KANK1: variants seen among roughly 807,000 people sequenced by gnomAD.
The protein encoded by KANK1 is KN motif and ankyrin repeat domain-containing protein 1.
Under a neutral mutation model 106.2 loss-of-function variants are expected in KANK1, and 109 were observed. The observed-to-expected ratio is 1.03, with a 90% confidence interval of 0.88 to 1.20. The LOEUF (loss-of-function observed/expected upper bound fraction) is 1.20. KANK1 is among the 50% of genes most tolerant of loss of function. The pLI, the probability that KANK1 is intolerant of heterozygous loss-of-function variation, is 0.00. For synonymous variants in KANK1, 873 were observed against 652.2 expected, an observed-to-expected ratio of 1.34 and a Z score of -5.16; for missense variants, 2,399 against 1,710.7, an observed-to-expected ratio of 1.40 and a Z score of -7.10.
chr9:563,959 C>T (rs1280184274), intron 1 of KANK1, among the ~76,000 whole-genome samples: 2 of 152,106 alleles, frequency 1.3e-5, no homozygotes, highest in East Asian at 3.8e-4. Flanking sequence ...ACATTATGGC[C>T]TGTGAACCTC....
intron 1 of KANK1, among the ~76,000 whole-genome samples, chr9:522,326 G>A (rs569941603): frequency 6.6e-6 from 1 of 151,804 alleles, no homozygotes; most frequent in African/African-American, 2.4e-5. Context: ...TACATATATC[G>A]TGGTTCCTTC....
At chr9:599,199 G>C (rs1443874790) in intron 1 of KANK1, among the ~76,000 whole-genome samples, 1 of 149,820 alleles carries the variant, frequency 6.7e-6, no homozygotes, top group Non-Finnish European at 1.5e-5. Flanking sequence ...TTTATTGTTA[G>C]TAGAGACGGG....
intron 1 of KANK1, among the ~76,000 whole-genome samples, chr9:618,386 T>C (rs1832352541): frequency 6.6e-6 from 1 of 152,062 alleles, no homozygotes; most frequent in South Asian, 2.1e-4. Flanking sequence ...TTTTGTATTT[T>C]TACTAGAGAC....
chr9:563,826 C>T (rs1817116941), intron 1 of KANK1, among the ~76,000 whole-genome samples: 1 of 152,150 alleles, frequency 6.6e-6, no homozygotes, highest in Non-Finnish European at 1.5e-5. Context: ...TCTGTGGTGA[C>T]TGTGTCACTA....
At chr9:517,983 C>G (rs530850993) in intron 1 of KANK1, among the ~76,000 whole-genome samples, 1 of 151,578 alleles carries the variant, frequency 6.6e-6, no homozygotes, top group Non-Finnish European at 1.5e-5. Context: ...AGTGATCCAC[C>G]TGCCTCAGCC....
chr9:516,837 C>A (rs1193315393), intron 1 of KANK1, among the ~76,000 whole-genome samples: 1 of 151,586 alleles, frequency 6.6e-6, no homozygotes, highest in African/African-American at 2.4e-5. Context: ...GCTTAGCAGC[C>A]CGCTGGGGGG....
At chr9:483,293 C>A (rs1336987928) in intron 3 of KANK1, among the ~76,000 whole-genome samples, 1 of 152,114 alleles carries the variant, frequency 6.6e-6, no homozygotes, top group African/African-American at 2.4e-5. Flanking sequence ...AGCATTCTCA[C>A]CACATTTGAA....
chr9:663,700 T>C (rs984251964), intron 1 of KANK1, among the ~76,000 whole-genome samples: 1 of 152,142 alleles, frequency 6.6e-6, no homozygotes, highest in Admixed American at 6.5e-5. Flanking sequence ...TATCTTTAAA[T>C]GTTCAGGAAG....
chr9:603,854 G>C lies in KANK1; in HGVS notation c.-83-73036G>C, dbSNP rs898850284. On this transcript the variant is annotated intron_variant, in intron 1 of 11. Transcript: ENST00000382297. ...GTGCGCCATAGTCCCAGCTACTCTG[G>C]AGGCTGAGGCAGGAGAATCACTTGA... Among the ~76,000 whole-genome samples, 22 of 150,942 alleles carry C rather than the reference G, an allele frequency of 1.5e-4. 1 individual carries two copies. Among genetic ancestry groups the C allele is most frequent in the African/African-American group, 5.4e-4 (22 of 40,608 alleles).
chr9:745,393 G>A lies in KANK1; in HGVS notation c.*158G>A. On this transcript the variant is annotated 3_prime_UTR_variant, in exon 12 of 12. Transcript: ENST00000382297. Reference sequence around the variant, plus strand: ...AAGGCTGAAGCTTTCACAGTGCAGAGACTGCTAGCCTGGGCACACACACCT... The same window carrying A: ...AAGGCTGAAGCTTTCACAGTGCAGAAACTGCTAGCCTGGGCACACACACCT... The A allele has an allele frequency of 1.2e-6, 1 of 864,604 alleles. No homozygotes were observed. Among genetic ancestry groups the A allele is most frequent in the Non-Finnish European group, 1.8e-6 (1 of 545,322 alleles). The allele number at this position is 864,604 out of a possible 1,614,324, so 53.6% of individuals were successfully genotyped here.
Position 505,368 on chromosome 9 carries a change from GCGCTGCGGC to G in KANK1, c.-84+616_-84+624del, listed in dbSNP as rs971540764. Reference sequence around the variant, plus strand: ...GCGGGGAGGCGGGGGAGGGGCGTGGGCGCTGCGGCCTCTGGGGCGGCCCAACCCGGCGCG... The same window carrying G: ...GCGGGGAGGCGGGGGAGGGGCGTGGGCTCTGGGGCGGCCCAACCCGGCGCG... On this transcript the variant is annotated intron_variant, in intron 1 of 11. Coordinates refer to ENST00000382297, the MANE Select transcript of KANK1 (RefSeq NM_015158.5). Among the ~76,000 whole-genome samples the G allele has an allele frequency of 5.0e-4, 76 of 152,320 alleles. 1 individual carries two copies. The East Asian group carries it at 0.011, about 23-fold the overall frequency.
At chr9:518,751 C>G (rs193107431) in intron 1 of KANK1, among the ~76,000 whole-genome samples, 2 of 151,470 alleles carry the variant, frequency 1.3e-5, no homozygotes, top group African/African-American at 2.4e-5. Flanking sequence ...AGGGCGGTGA[C>G]CCTGTATGAC....
At chr9:739,627 A>G (rs1185128436) in intron 8 of KANK1, among the ~76,000 whole-genome samples, 1 of 152,244 alleles carries the variant, frequency 6.6e-6, no homozygotes, top group African/African-American at 2.4e-5. Flanking sequence ...AGTAGATAAT[A>G]TCCAGGGAAG....
intron 1 of KANK1, among the ~76,000 whole-genome samples, chr9:561,751 G>A (rs1026705023): frequency 6.6e-6 from 1 of 152,200 alleles, no homozygotes; most frequent in African/African-American, 2.4e-5. Context: ...GAAAGTTTTA[G>A]TGTAGGACCA....
At chr9:718,365 T>G (rs531792834) in intron 3 of KANK1, among the ~76,000 whole-genome samples, 20 of 141,356 alleles carry the variant, frequency 1.4e-4, no homozygotes, top group African/African-American at 5.3e-4. Flanking sequence ...CAGGCTAGAG[T>G]GCAGTGGCAT....
chr9:593,058 G>A (rs1406769003), intron 1 of KANK1, among the ~76,000 whole-genome samples: 1 of 151,746 alleles, frequency 6.6e-6, no homozygotes, highest in African/African-American at 2.4e-5. Flanking sequence ...AATATCTAAT[G>A]CTAGTAGACA....
chr9:595,728 C>T (rs1019999457), intron 1 of KANK1, among the ~76,000 whole-genome samples: 1 of 151,666 alleles, frequency 6.6e-6, no homozygotes, highest in African/African-American at 2.4e-5. Flanking sequence ...TGCTTTGTTG[C>T]CCAGGTTGGT....
chr9:729,091 C>A (rs1469755977), intron 3 of KANK1, among the ~76,000 whole-genome samples: 1 of 152,214 alleles, frequency 6.6e-6, no homozygotes, highest in African/African-American at 2.4e-5. Flanking sequence ...TGACTCTTTT[C>A]ATTGACATAT....
chr9:573,741 T>C (rs1184188970), intron 1 of KANK1, among the ~76,000 whole-genome samples: 1 of 150,620 alleles, frequency 6.6e-6, no homozygotes, highest in Non-Finnish European at 1.5e-5. Context: ...CACCCATTGA[T>C]TGATGGTTTG....
Sources: gnomAD v4.1 joint callset for allele counts (sites outside exome capture counted in the v4.1 genomes callset) on GRCh38, gnomAD v4.1.1 for gene constraint, MANE v1.5 for transcripts, NCBI Gene and HGNC (gene_info 2026-07-23, HGNC 2026-07-21) for gene names.